The following FAM177A1 variants were observed in gnomAD, a reference collection of about 807,000 sequenced individuals.
FAM177A1 encodes the protein family with sequence similarity 177 member A1, also known as protein FAM177A1.
Under a neutral mutation model 26.1 loss-of-function variants are expected in FAM177A1, and 22 were observed. That is an observed-to-expected ratio of 0.84 (90% confidence interval 0.60 to 1.20). FAM177A1 has a LOEUF of 1.20. FAM177A1 is among the 50% of genes most tolerant of loss of function. The probability of loss-of-function intolerance (pLI) is 0.00; values close to 1 mark genes in which losing one functional copy is unlikely to be tolerated. For synonymous variants in FAM177A1, 95 were observed against 99.3 expected (o/e 0.96, Z 0.26); for missense variants, 296 against 291.1 (o/e 1.02, Z -0.12).
intron 2 of FAM177A1, among the ~76,000 whole-genome samples, chr14:35,075,392 A>T (rs1472377019): frequency 6.6e-6 from 1 of 152,138 alleles, no homozygotes. Context: ...CCGTTTATTA[A>T]ATAGGGAATC....
chr14:35,046,374 G>A lies in FAM177A1; in HGVS notation c.-90G>A. The A allele has an allele frequency of 7.4e-7, 1 of 1,349,772 alleles. No individual in the cohort carries two copies. Among genetic ancestry groups the A allele is most frequent in the Non-Finnish European group, 9.7e-7 (1 of 1,035,940 alleles). The allele number at this position is 1,349,772 out of a possible 1,614,324, so 83.6% of individuals were successfully genotyped here. On this transcript the variant is annotated 5_prime_UTR_variant, in exon 1 of 5. Transcript: ENST00000280987. Reference sequence around the variant, plus strand: ...CGGCGAGTCCCCTTCTCAGAGACTTGGCTAGGCGCGGCGCGAGGCGGGCGC... The same window carrying A: ...CGGCGAGTCCCCTTCTCAGAGACTTAGCTAGGCGCGGCGCGAGGCGGGCGC...
Position 35,056,408 on chromosome 14 carries a change from TG to T in FAM177A1, c.339+2958del, listed in dbSNP as rs558188814. Among the ~76,000 whole-genome samples, 1,407 of 152,100 alleles carry T rather than the reference TG, an allele frequency of 9.3e-3. 15 individuals carry two copies. Among genetic ancestry groups the T allele is most frequent in the Non-Finnish European group, 0.014 (976 of 68,002 alleles). On this transcript the variant is annotated intron_variant, in intron 2 of 4. Coordinates refer to ENST00000280987, the MANE Select transcript of FAM177A1 (RefSeq NM_173607.5). ...TCTCACTCTGTCACCCAGGCTAGAG[TG>T]CGGTGGTATGATCTTGGCTTACTGC... is the stretch of plus-strand genomic sequence containing the variant.
intron 2 of FAM177A1, among the ~76,000 whole-genome samples, chr14:35,064,400 C>A (rs949795636): frequency 4.6e-5 from 7 of 151,864 alleles, no homozygotes; most frequent in African/African-American, 1.5e-4. Context: ...AACAAACAAA[C>A]AAAAAAGTAC....
At chr14:35,080,912 CTT>C (rs71435851) in intron 4 of FAM177A1, 108 bp from the exon 5 acceptor site, 52,956 of 1,021,154 alleles carry the variant, frequency 0.052, no homozygotes, top group Middle Eastern at 0.066. Context: ...GAACATGACA[CTT>C]TTTTTTTTTT....
chr14:35,053,487 CTTTGT>C, intron 2 of FAM177A1, 36 bp downstream of exon 2: 1 of 1,599,810 alleles, frequency 6.3e-7, no homozygotes, highest in Non-Finnish European at 8.5e-7. Flanking sequence ...CCTCAGTGGG[CTTTGT>C]TTTGATTTAT....
intron 2 of FAM177A1, among the ~76,000 whole-genome samples, chr14:35,059,519 A>G (rs929197321): frequency 6.7e-6 from 1 of 149,696 alleles, no homozygotes; most frequent in Non-Finnish European, 1.5e-5. Flanking sequence ...TATTTTCTAC[A>G]GAAGCATTTA....
chr14:35,075,233 G>A (rs754953381), intron 2 of FAM177A1, among the ~76,000 whole-genome samples: 6 of 152,192 alleles, frequency 3.9e-5, no homozygotes, highest in Non-Finnish European at 8.8e-5. Context: ...CTACGTAGGT[G>A]TGCATTGTGG....
chr14:35,078,519 T>C (rs1406329738), intron 3 of FAM177A1, among the ~76,000 whole-genome samples: 1 of 152,094 alleles, frequency 6.6e-6, no homozygotes, highest in Non-Finnish European at 1.5e-5. Context: ...GCCCAGCTAA[T>C]TTTTGTATTT....
At chr14:35,070,868 G>A (rs2045310541) in intron 2 of FAM177A1, among the ~76,000 whole-genome samples, 1 of 151,930 alleles carries the variant, frequency 6.6e-6, no homozygotes, top group Admixed American at 6.6e-5. Context: ...GGACAACAAT[G>A]TTGTAAAAAT....
chr14:35,079,217 A>G (rs2045442930), intron 4 of FAM177A1, among the ~76,000 whole-genome samples, 193 bp downstream of exon 4: 1 of 152,204 alleles, frequency 6.6e-6, no homozygotes, highest in South Asian at 2.1e-4. Context: ...GAATTTTCCT[A>G]TGATCTGTGT....
intron 2 of FAM177A1, among the ~76,000 whole-genome samples, chr14:35,068,289 G>A (rs1412035801): frequency 6.6e-6 from 1 of 152,194 alleles, no homozygotes; most frequent in Non-Finnish European, 1.5e-5. Flanking sequence ...CATTTTGATA[G>A]CAGGTAACCA....
chr14:35,050,492 A>C (rs1195516481), intron 1 of FAM177A1: 1 of 152,162 alleles, frequency 6.6e-6, no homozygotes, highest in African/African-American at 2.4e-5. Context: ...TAGAGGTTGG[A>C]ATCATTATCC....
chr14:35,046,255 C>T, upstream of FAM177A1: 1 of 462,926 alleles, frequency 2.2e-6, no homozygotes, highest in South Asian at 4.9e-5. Context: ...CCGCGCGAGC[C>T]GGTAGTTGCG....
chr14:35,074,459 G>A (rs1346036166), intron 2 of FAM177A1, among the ~76,000 whole-genome samples: 1 of 152,066 alleles, frequency 6.6e-6, no homozygotes, highest in Non-Finnish European at 1.5e-5. Flanking sequence ...CCTAGAAGCT[G>A]GGATTACAGG....
Position 35,046,339 on chromosome 14 carries a change from C to A in FAM177A1, c.-125C>A. On this transcript the variant is annotated 5_prime_UTR_variant, in exon 1 of 5. Coordinates refer to ENST00000280987, the MANE Select transcript of FAM177A1 (RefSeq NM_173607.5). ...CTAGGCGAGGCGCGGGCTGGCCCCG[C>A]CCCTCAGGCCGGCGAGTCCCCTTCT... The A allele has an allele frequency of 8.5e-7, 1 of 1,181,092 alleles. No individual in the cohort carries two copies. 73.2% of individuals were successfully genotyped at this position (1,181,092 alleles called of 1,614,324 possible).
At position 35,082,331 on chromosome 14, in the gene FAM177A1, T is replaced by A. The variant is rs985068712; in HGVS notation, c.*1103T>A. 1 of 152,134 alleles carries A rather than the reference T, an allele frequency of 6.6e-6. No homozygotes were observed. The highest frequency in any genetic ancestry group is 2.4e-5 in the African/African-American group (1 of 41,420). The allele number at this position is 152,134 out of a possible 1,614,324, so 9.4% of individuals were successfully genotyped here. A position where few individuals can be genotyped will look rare whatever the true frequency, so the allele number is the denominator to read the frequency against. On this transcript the variant is annotated 3_prime_UTR_variant, in exon 5 of 5. Transcript: ENST00000280987. ...GAGTTTGAGACCAGCCTGGCCAACG[T>A]AGTGAAACCCCGTCTCTACAAAAAT...
chr14:35,056,261 C>G (rs182005240), intron 2 of FAM177A1, among the ~76,000 whole-genome samples: 1 of 152,202 alleles, frequency 6.6e-6, no homozygotes, highest in East Asian at 1.9e-4. Context: ...TCTTAAACTC[C>G]TGACCTCAAG....
At chr14:35,058,420 C>A (rs2045096215) in intron 2 of FAM177A1, among the ~76,000 whole-genome samples, 1 of 152,010 alleles carries the variant, frequency 6.6e-6, no homozygotes, top group Non-Finnish European at 1.5e-5. Context: ...GTTGAATTGT[C>A]TATTTCTCCC....
chr14:35,072,436 G>GT, intron 2 of FAM177A1, among the ~76,000 whole-genome samples: 1 of 152,308 alleles, frequency 6.6e-6, no homozygotes, highest in South Asian at 2.1e-4. Context: ...TGGTCTTGCT[G>GT]TGTTAGGCAT....
Sources: allele counts gnomAD v4.1 joint callset (sites outside exome capture counted in the v4.1 genomes callset), GRCh38; gene constraint gnomAD v4.1.1; transcripts MANE v1.5; gene names NCBI Gene and HGNC (gene_info 2026-07-23, HGNC 2026-07-21).